Variants in KIAA1217 observed in about 807,000 individuals in gnomAD.
KIAA1217 encodes the protein sickle tail protein homolog.
A neutral mutation model predicts 163.9 loss-of-function variants in KIAA1217; 88 were observed. That is an observed-to-expected ratio of 0.54 (90% CI 0.45 to 0.64). KIAA1217 has a LOEUF of 0.64. Among genes scored for constraint, KIAA1217 ranks in the 30% least tolerant of loss-of-function variants. The pLI, the probability that KIAA1217 is intolerant of heterozygous loss-of-function variation, is 0.00. For missense variants in KIAA1217, 2,372 were observed against 2,475.0 expected (o/e 0.96, Z 0.88); for synonymous variants, 903 against 923.1 (o/e 0.98, Z 0.39).
intron 2 of KIAA1217, among the ~76,000 whole-genome samples, chr10:24,105,933 G>A (rs1239577902): frequency 6.6e-6 from 1 of 152,208 alleles, no homozygotes. Context: ...TCGAGGCAGG[G>A]AAGGCCTTCC....
At chr10:24,043,708 G>A (rs544472386) in intron 2 of KIAA1217, among the ~76,000 whole-genome samples, 4 of 152,170 alleles carry the variant, frequency 2.6e-5, no homozygotes, top group African/African-American at 7.2e-5. Context: ...TCTTAGAAAA[G>A]GAATGTCAAC....
upstream of KIAA1217, chr10:23,694,732 A>C (rs952750386): frequency 6.5e-6 from 1 of 152,672 alleles, no homozygotes; most frequent in African/African-American, 2.4e-5. Context: ...ACTGCAGTCC[A>C]GAAGAGAGCG....
rs376873282 is a variant in KIAA1217, at chr10:24,011,905, A to G, written c.-171+4531A>G. Among the ~76,000 whole-genome samples, 67 of 152,262 alleles carry G rather than the reference A, an allele frequency of 4.4e-4. No homozygotes were observed. In the Middle Eastern group the frequency reaches 0.014, roughly 31 times the overall value. On this transcript the variant is annotated intron_variant, in intron 2 of 18. Transcript: ENST00000376462. Reference sequence around the variant, plus strand: ...TTTCCAAACCAGCATTTCCCCCATAACATCTGTGAAGATGTTTCATGTGGA... The same window carrying G: ...TTTCCAAACCAGCATTTCCCCCATAGCATCTGTGAAGATGTTTCATGTGGA...
At chr10:24,111,301 A>G (rs2062835487) in intron 2 of KIAA1217, among the ~76,000 whole-genome samples, 1 of 152,210 alleles carries the variant, frequency 6.6e-6, no homozygotes, top group Non-Finnish European at 1.5e-5. Context: ...TAATAAAGGT[A>G]ATTCTCCCAT....
intron 2 of KIAA1217, among the ~76,000 whole-genome samples, chr10:24,013,109 A>G (rs1847311595): frequency 1.3e-5 from 2 of 152,122 alleles, no homozygotes. Context: ...ATTTGGTGCC[A>G]TATTTTTTTG....
intron 1 of KIAA1217, among the ~76,000 whole-genome samples, chr10:23,846,777 T>C (rs1172582890): frequency 6.6e-6 from 1 of 152,180 alleles, no homozygotes; most frequent in Non-Finnish European, 1.5e-5. Flanking sequence ...CTATGTTGAA[T>C]AGGAGTGGTG....
At chr10:23,839,618 C>T (rs1187926072) in intron 1 of KIAA1217, among the ~76,000 whole-genome samples, 1 of 152,152 alleles carries the variant, frequency 6.6e-6, no homozygotes, top group Non-Finnish European at 1.5e-5. Flanking sequence ...GAAGGATCTT[C>T]TGCCTCTCCT....
chr10:24,287,806 A>G (rs1477800892), intron 2 of KIAA1217, among the ~76,000 whole-genome samples: 1 of 152,242 alleles, frequency 6.6e-6, no homozygotes, highest in African/African-American at 2.4e-5. Flanking sequence ...CTTACATTGT[A>G]CTAGTTGAGA....
At chr10:23,768,854 C>T (rs1057330645) in intron 1 of KIAA1217, among the ~76,000 whole-genome samples, 1 of 152,134 alleles carries the variant, frequency 6.6e-6, no homozygotes, top group Non-Finnish European at 1.5e-5. Flanking sequence ...TCTGGGTCTT[C>T]TGGAGCTGCC....
chr10:24,217,821 T>C (rs928605284), intron 1 of KIAA1217, among the ~76,000 whole-genome samples: 43 of 152,264 alleles, frequency 2.8e-4, no homozygotes, highest in African/African-American at 1.0e-3. Context: ...GCAAATATGC[T>C]TCTATTGGAA....
At chr10:24,294,773 C>G (rs2079513275) in intron 2 of KIAA1217, among the ~76,000 whole-genome samples, 1 of 152,202 alleles carries the variant, frequency 6.6e-6, no homozygotes, top group South Asian at 2.1e-4. Context: ...ATGTCTCCTA[C>G]AGGGACAGGA....
At chr10:24,353,412 G>A (rs1364207876) in intron 2 of KIAA1217, among the ~76,000 whole-genome samples, 3 of 151,916 alleles carry the variant, frequency 2.0e-5, no homozygotes, top group Non-Finnish European at 2.9e-5. Flanking sequence ...AGGAAGCTCC[G>A]CGGTACCTTT....
At chr10:23,771,150 T>C (rs910911890) in intron 1 of KIAA1217, among the ~76,000 whole-genome samples, 1 of 152,172 alleles carries the variant, frequency 6.6e-6, no homozygotes, top group Admixed American at 6.5e-5. Context: ...AGGGATGGTT[T>C]CCAAAGACAT....
intron 2 of KIAA1217, among the ~76,000 whole-genome samples, chr10:24,013,100 T>C (rs530071075): frequency 1.5e-4 from 23 of 152,168 alleles, no homozygotes; most frequent in Non-Finnish European, 3.1e-4. Context: ...TCACGATCTA[T>C]TTGGTGCCAT....
chr10:24,194,538 C>T (rs954584853), intron 2 of KIAA1217, among the ~76,000 whole-genome samples: 3 of 151,356 alleles, frequency 2.0e-5, no homozygotes, highest in Admixed American at 6.6e-5. Flanking sequence ...GTGTCTACAG[C>T]TCACTTTGTC....
chr10:24,013,108 C>T (rs1028892565), intron 2 of KIAA1217, among the ~76,000 whole-genome samples: 3 of 152,022 alleles, frequency 2.0e-5, no homozygotes, highest in Non-Finnish European at 4.4e-5. Context: ...TATTTGGTGC[C>T]ATATTTTTTT....
chr10:23,750,870 T>C (rs1255836965), intron 1 of KIAA1217, among the ~76,000 whole-genome samples: 1 of 152,136 alleles, frequency 6.6e-6, no homozygotes, highest in Non-Finnish European at 1.5e-5. Context: ...ATATAGATTT[T>C]AGTGGTTCAT....
chr10:24,468,550 C>T (rs891634872), intron 5 of KIAA1217, among the ~76,000 whole-genome samples: 1 of 152,220 alleles, frequency 6.6e-6, no homozygotes, highest in Admixed American at 6.5e-5. Context: ...TGTTTGTATT[C>T]AGCGCCACTG....
intron 2 of KIAA1217, among the ~76,000 whole-genome samples, chr10:24,018,388 C>G (rs931965631): frequency 2.0e-5 from 3 of 151,902 alleles, no homozygotes; most frequent in African/African-American, 7.2e-5. Context: ...CATTAATCAT[C>G]GGATTAGACT....
Sources: allele counts gnomAD v4.1 joint callset (sites outside exome capture counted in the v4.1 genomes callset), GRCh38; gene constraint gnomAD v4.1.1; transcripts MANE v1.5; gene names NCBI Gene and HGNC (gene_info 2026-07-23, HGNC 2026-07-21).